Variants in CADPS2 observed in about 807,000 individuals in gnomAD.
The protein encoded by CADPS2 is calcium-dependent secretion activator 2.
In CADPS2, 93 loss-of-function variants were observed where a neutral mutation model predicts 172.5. The observed-to-expected ratio is 0.54, with a 90% confidence interval of 0.46 to 0.64. The LOEUF (loss-of-function observed/expected upper bound fraction) is 0.64. Among genes scored for constraint, CADPS2 ranks in the 30% least tolerant of loss-of-function variants. CADPS2 has a pLI of 0.00. For missense variants in CADPS2, 1,420 were observed against 1,565.9 expected, an observed-to-expected ratio of 0.91 and a Z score of 1.57; for synonymous variants, 546 against 555.2, an observed-to-expected ratio of 0.98 and a Z score of 0.23.
rs936935916 is a variant in CADPS2, at chr7:122,658,254, G to T, written c.786+4983C>A. On this transcript the variant is annotated intron_variant, in intron 3 of 29. Transcript: ENST00000449022. ...GTCAGGAAACAACAGGTGCTGGAGA[G>T]GATGTGGAGAAATAGGAACACTTTT... is the stretch of plus-strand genomic sequence containing the variant. 3.3e-5 allele frequency among the ~76,000 whole-genome samples: 5 copies of T among 152,188 alleles called. 1 individual carries two copies. Among genetic ancestry groups the T allele is most frequent in the Admixed American group, 1.3e-4 (2 of 15,288 alleles).
At chr7:122,707,822 T>G (rs2087843165) in intron 2 of CADPS2, among the ~76,000 whole-genome samples, 1 of 151,526 alleles carries the variant, frequency 6.6e-6, no homozygotes, top group South Asian at 2.1e-4. Context: ...ATGTTATTAT[T>G]TGCAAGCATC....
At chr7:122,593,085 C>T (rs193243220) in intron 6 of CADPS2, among the ~76,000 whole-genome samples, 2 of 151,936 alleles carry the variant, frequency 1.3e-5, no homozygotes, top group African/African-American at 4.8e-5. Context: ...ATACTGCATG[C>T]AATACAGTGA....
At chr7:122,536,421 T>C (rs909565378) in intron 8 of CADPS2, among the ~76,000 whole-genome samples, 1 of 152,078 alleles carries the variant, frequency 6.6e-6, no homozygotes, top group Admixed American at 6.6e-5. Context: ...ATTCTGAAGA[T>C]GAAAATCTGT....
At chr7:122,435,216 A>T (rs1293704349) in intron 17 of CADPS2, among the ~76,000 whole-genome samples, 3 of 152,228 alleles carry the variant, frequency 2.0e-5, no homozygotes, top group Admixed American at 1.3e-4. Flanking sequence ...TTAAAAAGGC[A>T]ATGTACAGAA....
At chr7:122,479,725 A>C (rs950165077) in intron 12 of CADPS2, among the ~76,000 whole-genome samples, 1 of 152,228 alleles carries the variant, frequency 6.6e-6, no homozygotes, top group Non-Finnish European at 1.5e-5. Context: ...TTGAACATTT[A>C]TTAGAAATAA....
chr7:122,474,063 A>G (rs1312412826), intron 13 of CADPS2, among the ~76,000 whole-genome samples: 1 of 152,092 alleles, frequency 6.6e-6, no homozygotes, highest in Non-Finnish European at 1.5e-5. Context: ...GTTTTAAAAA[A>G]TCTTTATTTA....
At chr7:122,645,636 T>G (rs2078434324) in intron 3 of CADPS2, among the ~76,000 whole-genome samples, 1 of 108,976 alleles carries the variant, frequency 9.2e-6, no homozygotes, top group Non-Finnish European at 1.8e-5. Flanking sequence ...ATATCTCTAC[T>G]CTAAGATACA....
At chr7:122,581,359 C>A in intron 6 of CADPS2, 69 bp from the exon 7 acceptor site, 1 of 1,184,698 alleles carries the variant, frequency 8.4e-7, no homozygotes, top group Non-Finnish European at 1.3e-6. Context: ...GATGTGTCTC[C>A]ATAGAAGGCA....
intron 8 of CADPS2, among the ~76,000 whole-genome samples, chr7:122,539,651 G>T (rs898468330): frequency 1.3e-5 from 2 of 152,028 alleles, no homozygotes; most frequent in East Asian, 3.9e-4. Flanking sequence ...TGTAACCAAT[G>T]TAATTGTGTA....
chr7:122,817,165 G>A (rs980751493), intron 1 of CADPS2, among the ~76,000 whole-genome samples: 4 of 152,146 alleles, frequency 2.6e-5, no homozygotes, highest in Non-Finnish European at 4.4e-5. Flanking sequence ...CTCTTCAAAC[G>A]GACGCACATG....
intron 24 of CADPS2, among the ~76,000 whole-genome samples, chr7:122,383,598 T>C (rs754330809): frequency 2.0e-5 from 3 of 152,090 alleles, no homozygotes; most frequent in Non-Finnish European, 2.9e-5. Context: ...CCGCAGGTGA[T>C]TCTGAACTTA....
intron 1 of CADPS2, among the ~76,000 whole-genome samples, chr7:122,788,821 G>A (rs1404163629): frequency 1.3e-5 from 2 of 152,112 alleles, no homozygotes; most frequent in Non-Finnish European, 2.9e-5. Flanking sequence ...TTTGTTCCTT[G>A]CGTTCATTTG....
At chr7:122,864,965 T>TC (rs773512148) in intron 1 of CADPS2, among the ~76,000 whole-genome samples, 1 of 152,046 alleles carries the variant, frequency 6.6e-6, no homozygotes, top group Non-Finnish European at 1.5e-5. Context: ...TGTATGTTTG[T>TC]CCCCACCAAC....
chr7:122,333,938 T>C (rs1023307781), intron 28 of CADPS2, among the ~76,000 whole-genome samples: 1 of 151,436 alleles, frequency 6.6e-6, no homozygotes, highest in African/African-American at 2.4e-5. Context: ...AGCTTTTCAA[T>C]AGACAAAGGA....
intron 29 of CADPS2, among the ~76,000 whole-genome samples, chr7:122,323,127 A>G (rs1416910572): frequency 6.6e-6 from 1 of 152,212 alleles, no homozygotes; most frequent in Admixed American, 6.5e-5. Flanking sequence ...GTCTGTTTAT[A>G]TTCAAAGTAG....
chr7:122,544,627 C>G (rs1010676041), intron 8 of CADPS2, among the ~76,000 whole-genome samples: 1 of 152,130 alleles, frequency 6.6e-6, no homozygotes, highest in African/African-American at 2.4e-5. Context: ...TTTAGTTCTG[C>G]TTTACCAGTG....
At chr7:122,387,300 A>G in intron 23 of CADPS2, 127 bp from the exon 24 acceptor site, 1 of 863,970 alleles carries the variant, frequency 1.2e-6, no homozygotes, top group South Asian at 1.8e-5. Context: ...GCAGTGTGGC[A>G]GTGCTTGGGA....
At chr7:122,834,946 C>A (rs1018570430) in intron 1 of CADPS2, among the ~76,000 whole-genome samples, 1 of 152,162 alleles carries the variant, frequency 6.6e-6, no homozygotes, top group African/African-American at 2.4e-5. Context: ...GTGTTTCTCC[C>A]AGCACAGAGT....
At chr7:122,767,203 A>G (rs1037598442) in intron 1 of CADPS2, among the ~76,000 whole-genome samples, 2 of 152,188 alleles carry the variant, frequency 1.3e-5, no homozygotes, top group African/African-American at 4.8e-5. Flanking sequence ...TAGTTCAGAC[A>G]TCCACATTTA....
Sources: gnomAD v4.1 joint callset for allele counts (sites outside exome capture counted in the v4.1 genomes callset) on GRCh38, gnomAD v4.1.1 for gene constraint, MANE v1.5 for transcripts, NCBI Gene and HGNC (gene_info 2026-07-23, HGNC 2026-07-21) for gene names.